Variants in GABRA2 observed in about 807,000 individuals in gnomAD.
GABRA2 encodes the protein gamma-aminobutyric acid receptor subunit alpha-2.
In GABRA2, 16 loss-of-function variants were observed where a neutral mutation model predicts 48.7. The ratio of observed to expected loss-of-function variants is 0.33; its 90% CI spans 0.22 to 0.50. The LOEUF is 0.50. Ranked by LOEUF, GABRA2 falls within the 20% of genes least tolerant of loss-of-function variation. The pLI is 0.98. For missense variants in GABRA2, 275 were observed against 535.6 expected, an observed-to-expected ratio of 0.51 and a Z score of 4.80; for synonymous variants, 185 against 184.5, an observed-to-expected ratio of 1.00 and a Z score of -0.02.
chr4:46,324,944 G>T (rs569889857), intron 4 of GABRA2, among the ~76,000 whole-genome samples: 21 of 151,828 alleles, frequency 1.4e-4, no homozygotes, highest in Non-Finnish European at 4.4e-5. Flanking sequence ...TACACAGACC[G>T]CATTTTCTTT....
intron 8 of GABRA2, among the ~76,000 whole-genome samples, chr4:46,276,527 T>C (rs1307956898): frequency 6.7e-6 from 1 of 150,232 alleles, no homozygotes; most frequent in Non-Finnish European, 1.5e-5. Flanking sequence ...CAAGTTCTGA[T>C]GGAGATTTAG....
intron 3 of GABRA2, among the ~76,000 whole-genome samples, chr4:46,377,793 G>A (rs1484309899): frequency 1.4e-5 from 2 of 140,140 alleles, no homozygotes; most frequent in African/African-American, 2.7e-5. Flanking sequence ...GCCTCTGCCC[G>A]GCCGCCCCTA....
intron 8 of GABRA2, among the ~76,000 whole-genome samples, chr4:46,285,065 A>G (rs551168099): frequency 1.3e-5 from 2 of 149,978 alleles, no homozygotes; most frequent in South Asian, 4.2e-4. Context: ...ACATTGAAGG[A>G]TGAGGCTGGA....
At chr4:46,342,163 T>C (rs971302103) in intron 3 of GABRA2, among the ~76,000 whole-genome samples, 1 of 152,066 alleles carries the variant, frequency 6.6e-6, no homozygotes, top group Non-Finnish European at 1.5e-5. Context: ...CAATGAAAGT[T>C]AAAATGACAC....
rs1713857552 is a variant in GABRA2, at chr4:46,247,144, TAG to T, written c.*3162_*3163del. ...ATCCAAACCTGAGATAAATTCAAAATAGAGAGATACCTGAAAAGATTTCTAAA... is the reference window on the plus strand; with the variant it reads ...ATCCAAACCTGAGATAAATTCAAAATAGAGATACCTGAAAAGATTTCTAAA... On this transcript the variant is annotated 3_prime_UTR_variant, in exon 10 of 10. Coordinates refer to ENST00000381620, the MANE Select transcript of GABRA2 (RefSeq NM_000807.4). 6.6e-6 allele frequency among the ~76,000 whole-genome samples: 1 copy of T among 151,130 alleles called. No individual in the cohort carries two copies. The highest frequency in any genetic ancestry group is 6.6e-5 in the Admixed American group (1 of 15,078).
At chr4:46,380,457 T>C (rs1716610079) in intron 3 of GABRA2, among the ~76,000 whole-genome samples, 1 of 152,206 alleles carries the variant, frequency 6.6e-6, no homozygotes, top group Admixed American at 6.5e-5. Context: ...TTCTATTTCA[T>C]TTCTAGTAGA....
At chr4:46,376,909 A>AT (rs1431174433) in intron 3 of GABRA2, among the ~76,000 whole-genome samples, 5 of 151,622 alleles carry the variant, frequency 3.3e-5, no homozygotes, top group African/African-American at 4.8e-5. Flanking sequence ...TGGTTTTCCT[A>AT]TTTTTTTGGT....
chr4:46,378,919 A>G lies in GABRA2; in HGVS notation c.187+7155T>C, dbSNP rs113845241. Among the ~76,000 whole-genome samples the G allele has an allele frequency of 9.0e-3, 1,365 of 152,250 alleles. 18 individuals carry two copies. Among genetic ancestry groups the G allele is most frequent in the African/African-American group, 0.031 (1,305 of 41,526 alleles). ...CCTGACACTTGCTGTATGGGGAGAA[A>G]GTGCTTCTATCTAATATAATACATA... On this transcript the variant is annotated intron_variant, in intron 3 of 9. Transcript: ENST00000381620.
At chr4:46,288,760 C>T (rs940990949) in intron 8 of GABRA2, among the ~76,000 whole-genome samples, 5 of 152,058 alleles carry the variant, frequency 3.3e-5, no homozygotes, top group Non-Finnish European at 5.9e-5. Flanking sequence ...AGAAAACTAT[C>T]AACGGAGTGA....
intron 4 of GABRA2, among the ~76,000 whole-genome samples, chr4:46,331,379 T>C (rs1342086425): frequency 6.6e-6 from 1 of 152,152 alleles, no homozygotes; most frequent in African/African-American, 2.4e-5. Context: ...ATAAACAGCA[T>C]ATTTTGTAAC....
intron 3 of GABRA2, among the ~76,000 whole-genome samples, chr4:46,354,268 A>G (rs2109924314): frequency 6.6e-6 from 1 of 152,296 alleles, no homozygotes; most frequent in Non-Finnish European, 1.5e-5. Flanking sequence ...CTTGGATGTT[A>G]ACTGCTGTGA....
intron 3 of GABRA2, among the ~76,000 whole-genome samples, chr4:46,344,926 A>C (rs1733891891): frequency 6.6e-6 from 1 of 151,954 alleles, no homozygotes; most frequent in Non-Finnish European, 1.5e-5. Flanking sequence ...TATTAATAAA[A>C]TGTAAAATAT....
chr4:46,377,773 A>G (rs9683813), intron 3 of GABRA2, among the ~76,000 whole-genome samples: 112 of 26,304 alleles, frequency 4.3e-3, no homozygotes, highest in Middle Eastern at 0.028. Flanking sequence ...CCGTCCGGGA[A>G]GTGAGGGGCG....
At chr4:46,328,573 A>T (rs1364195277) in intron 4 of GABRA2, among the ~76,000 whole-genome samples, 1 of 150,806 alleles carries the variant, frequency 6.6e-6, no homozygotes, top group African/African-American at 2.5e-5. Context: ...CTCCACATCC[A>T]CTTTGACTTG....
At chr4:46,254,115 C>T (rs1313072697) in intron 9 of GABRA2, among the ~76,000 whole-genome samples, 1 of 151,384 alleles carries the variant, frequency 6.6e-6, no homozygotes, top group Non-Finnish European at 1.5e-5. Flanking sequence ...TATCCATACC[C>T]TAGCTAAATG....
chr4:46,259,636 T>C lies in GABRA2; in HGVS notation c.1059+2290A>G, dbSNP rs535053881. ...TTATTCTTATGGGGCAAATTGATAA[T>C]TGGTATTTTATGAATTTTCAAAGAA... On this transcript the variant is annotated intron_variant, in intron 9 of 9. Coordinates refer to ENST00000381620, the MANE Select transcript of GABRA2 (RefSeq NM_000807.4). Among the ~76,000 whole-genome samples, 34 of 151,942 alleles carry C rather than the reference T, an allele frequency of 2.2e-4. No individual in the cohort carries two copies. In the Middle Eastern group the frequency reaches 0.014, roughly 61 times the overall value.
intron 5 of GABRA2, among the ~76,000 whole-genome samples, chr4:46,312,043 G>A (rs1483837237): frequency 6.6e-6 from 1 of 152,178 alleles, no homozygotes; most frequent in East Asian, 1.9e-4. Context: ...AGGTTGAAGT[G>A]AGTCGAGATT....
intron 3 of GABRA2, among the ~76,000 whole-genome samples, chr4:46,336,654 A>G (rs1732281253): frequency 6.6e-6 from 1 of 152,218 alleles, no homozygotes; most frequent in Non-Finnish European, 1.5e-5. Context: ...TGTGGCATAC[A>G]TAGAAGAATG....
chr4:46,267,939 A>G (rs1209766418), intron 8 of GABRA2, among the ~76,000 whole-genome samples: 1 of 151,998 alleles, frequency 6.6e-6, no homozygotes, highest in African/African-American at 2.4e-5. Context: ...TGGATGCTGA[A>G]CCAGTATGTA....
Sources: gnomAD v4.1 joint callset for allele counts (sites outside exome capture counted in the v4.1 genomes callset) on GRCh38, gnomAD v4.1.1 for gene constraint, MANE v1.5 for transcripts, NCBI Gene and HGNC (gene_info 2026-07-23, HGNC 2026-07-21) for gene names.